The following DHRS11 variants were observed in gnomAD, a reference collection of about 807,000 sequenced individuals.
The protein encoded by DHRS11 is dehydrogenase/reductase SDR family member 11.
DHRS11 carries 18 observed loss-of-function variants against 30.7 expected under a neutral mutation model. The ratio of observed to expected loss-of-function variants is 0.59; its 90% CI spans 0.41 to 0.87. The LOEUF is 0.87. DHRS11 is among the 40% of genes least tolerant of loss of function. DHRS11 has a pLI of 0.00. For synonymous variants in DHRS11, 123 were observed against 139.6 expected (o/e 0.88, Z 0.84); for missense variants, 300 against 349.0 (o/e 0.86, Z 1.12).
At chr17:36,594,897 C>G in intron 1 of DHRS11, 74 bp from the exon 2 acceptor site, 1 of 1,513,184 alleles carries the variant, frequency 6.6e-7, no homozygotes. Flanking sequence ...TGACGGGGGT[C>G]GGGGTCTGAG....
intron 2 of DHRS11, among the ~76,000 whole-genome samples, chr17:36,596,072 T>G (rs998030822): frequency 1.3e-5 from 2 of 152,142 alleles, no homozygotes; most frequent in Non-Finnish European, 2.9e-5. Flanking sequence ...AGGAGGGGTC[T>G]GTGGTGTGTG....
chr17:36,593,341 A>G (rs904591888), intron 1 of DHRS11, among the ~76,000 whole-genome samples: 11 of 152,150 alleles, frequency 7.2e-5, no homozygotes, highest in African/African-American at 2.4e-4. Flanking sequence ...GTTGTAGATC[A>G]TTACTGAGGG....
chr17:36,595,904 A>T (rs1351504219), intron 2 of DHRS11, among the ~76,000 whole-genome samples: 1 of 152,174 alleles, frequency 6.6e-6, no homozygotes, highest in Non-Finnish European at 1.5e-5. Context: ...ACCTAGCCTC[A>T]CTAGTAACTA....
rs1284226856 is a variant in DHRS11 at position 36,595,038 on chromosome 17, CA to C, written c.218del (p.Asn73MetfsTer19). On this transcript the variant is annotated frameshift_variant, in exon 2 of 7. Coordinates refer to ENST00000618403, the MANE Select transcript of DHRS11 (RefSeq NM_024308.4). LOFTEE classifies it high-confidence loss of function. ...TTGATCCCCTACAGATGTGACCTAT[CA>C]AATGAAGAGGACATCCTCTCCATGT... is the stretch of plus-strand genomic sequence containing the variant. ...GTLIPYRCDL[S>X]NEEDILSMFS... 3.1e-6 allele frequency: 5 copies of C among 1,614,094 alleles called. No homozygotes were observed.
rs2074852212 is a variant in DHRS11, at chr17:36,600,568, G to A, written c.*365G>A. On this transcript the variant is annotated 3_prime_UTR_variant, in exon 7 of 7. Coordinates refer to ENST00000618403, the MANE Select transcript of DHRS11 (RefSeq NM_024308.4). Reference sequence around the variant, plus strand: ...TGTGGCTCAGGGCTGGGGTGGCAGAGGGAGGCCTTCACCTTATATCTGTGT... The same window carrying A: ...TGTGGCTCAGGGCTGGGGTGGCAGAAGGAGGCCTTCACCTTATATCTGTGT... 2.4e-6 allele frequency: 1 copy of A among 421,870 alleles called. No homozygotes were observed. Among genetic ancestry groups the A allele is most frequent in the Non-Finnish European group, 4.3e-6 (1 of 230,050 alleles). 26.1% of individuals were successfully genotyped at this position (421,870 alleles called of 1,614,324 possible).
intron 2 of DHRS11, 115 bp downstream of exon 2, chr17:36,595,295 G>A (rs1029773043): frequency 8.6e-6 from 10 of 1,160,722 alleles, no homozygotes; most frequent in African/African-American, 6.1e-5. Flanking sequence ...AGGGAGCTTC[G>A]GGTTCCCACC....
Position 36,591,881 on chromosome 17 carries a change from G to A in DHRS11, c.-129G>A, listed in dbSNP as rs559836655. ...GGAGTCCCGGCCGGAGGCAGGCCGG[G>A]ACTCTGGTGGGTCTAGGCGCGGATC... On this transcript the variant is annotated 5_prime_UTR_variant, in exon 1 of 7. Transcript: ENST00000618403. 2.0e-6 allele frequency: 2 copies of A among 1,003,470 alleles called. No individual in the cohort carries two copies. Among genetic ancestry groups the A allele is most frequent in the South Asian group, 1.0e-4 (2 of 19,742 alleles). 62.2% of individuals were successfully genotyped at this position (1,003,470 alleles called of 1,614,324 possible). A position where few individuals can be genotyped will look rare whatever the true frequency, so the allele number is the denominator to read the frequency against.
At chr17:36,597,795 G>T (rs1051048521) in intron 2 of DHRS11, 6 of 348,460 alleles carry the variant, frequency 1.7e-5, no homozygotes, top group South Asian at 8.5e-5. Flanking sequence ...TAGGGTATTT[G>T]GGGGAAGAAA....
chr17:36,600,708 T>C lies in DHRS11; in HGVS notation c.*505T>C. On this transcript the variant is annotated 3_prime_UTR_variant, in exon 7 of 7. Coordinates refer to ENST00000618403, the MANE Select transcript of DHRS11 (RefSeq NM_024308.4). ...CTTGGCTTCTTGTCCCCTCCTGGGG[T>C]CATCCCTCCACTCTGACTCTGACTA... 5.5e-6 allele frequency: 1 copy of C among 182,952 alleles called. No individual in the cohort carries two copies. Among genetic ancestry groups the C allele is most frequent in the South Asian group, 1.1e-4 (1 of 9,106 alleles). The allele number at this position is 182,952 out of a possible 1,614,324, so 11.3% of individuals were successfully genotyped here. A position where few individuals can be genotyped will look rare whatever the true frequency, so the allele number is the denominator to read the frequency against.
chr17:36,595,112 A>G lies in DHRS11; in HGVS notation c.289A>G (p.Asn97Asp). The G allele has an allele frequency of 6.2e-7, 1 of 1,614,078 alleles. No homozygotes were observed. Among genetic ancestry groups the G allele is most frequent in the Non-Finnish European group, 8.5e-7 (1 of 1,180,010 alleles). ...CAGCGGTGTAGACATCTGCATCAAC[A>G]ATGCTGGCTTGGCCCGGCCTGACAC... ...QHSGVDICIN[N>D]AGLARPDTLL... Residue 97 changes from asparagine to aspartate, a missense_variant, in exon 2 of 7, where the codon AAT (asparagine) becomes GAT (aspartate). Physicochemically the swap from Asn to Asp is conservative, Grantham distance 23. Coordinates refer to ENST00000618403, the MANE Select transcript of DHRS11 (RefSeq NM_024308.4).
chr17:36,591,882 A>C lies in DHRS11; in HGVS notation c.-128A>C. On this transcript the variant is annotated 5_prime_UTR_variant, in exon 1 of 7. Transcript: ENST00000618403. ...GAGTCCCGGCCGGAGGCAGGCCGGG[A>C]CTCTGGTGGGTCTAGGCGCGGATCG... The C allele has an allele frequency of 6.0e-6, 6 of 995,748 alleles. No homozygotes were observed. Among genetic ancestry groups the C allele is most frequent in the Non-Finnish European group, 1.3e-6 (1 of 781,770 alleles). The allele number at this position is 995,748 out of a possible 1,614,324, so 61.7% of individuals were successfully genotyped here.
chr17:36,592,292 C>T lies in DHRS11; in HGVS notation c.147+136C>T. 4 of 1,104,564 alleles carry T rather than the reference C, an allele frequency of 3.6e-6. No individual in the cohort carries two copies. The highest frequency in any genetic ancestry group is 4.6e-6 in the Non-Finnish European group (4 of 873,696). The allele number at this position is 1,104,564 out of a possible 1,614,324, so 68.4% of individuals were successfully genotyped here. On this transcript the variant is annotated intron_variant, in intron 1 of 6. Coordinates refer to ENST00000618403, the MANE Select transcript of DHRS11 (RefSeq NM_024308.4). The surrounding 1 kb of genome is among the most constrained non-coding windows in gnomAD (Gnocchi z 4.4). ...TCCCTTAAGGCAGGCTTCTCCCTTC[C>T]CCTTAAGTCTCATCTTTGAAGGAGC...
At chr17:36,596,801 C>T (rs1186109796) in intron 2 of DHRS11, 1 of 470,850 alleles carries the variant, frequency 2.1e-6, no homozygotes, top group East Asian at 7.0e-5. Flanking sequence ...TCTTTTCTCC[C>T]CACAATCCTT....
At chr17:36,599,137 A>G in intron 4 of DHRS11, 87 bp downstream of exon 4, 1 of 1,515,548 alleles carries the variant, frequency 6.6e-7, no homozygotes, top group Non-Finnish European at 8.8e-7. Flanking sequence ...CATGTTCAGA[A>G]TGTGCCGCTC....
intron 1 of DHRS11, among the ~76,000 whole-genome samples, chr17:36,593,809 C>T (rs12937411): frequency 0.31 from 47,029 of 152,138 alleles, 8,525 homozygotes; most frequent in Non-Finnish European, 0.41. Flanking sequence ...GGGCACCGCA[C>T]GCCCCTTCCC....
Position 36,600,605 on chromosome 17 carries a change from G to A in DHRS11, c.*402G>A. 1 of 287,130 alleles carries A rather than the reference G, an allele frequency of 3.5e-6. No individual in the cohort carries two copies. Among genetic ancestry groups the A allele is most frequent in the Admixed American group, 4.9e-5 (1 of 20,348 alleles). 17.8% of individuals were successfully genotyped at this position (287,130 alleles called of 1,614,324 possible). On this transcript the variant is annotated 3_prime_UTR_variant, in exon 7 of 7. Transcript: ENST00000618403. ...CCTTATATCTGTGTTGTTATCCAGGGCTCCAGACTTCCTCCTCTGCCTGCC... is the reference window on the plus strand; with the variant it reads ...CCTTATATCTGTGTTGTTATCCAGGACTCCAGACTTCCTCCTCTGCCTGCC...
intron 3 of DHRS11, 123 bp from the exon 4 acceptor site, chr17:36,598,798 G>A (rs2074831864): frequency 7.7e-7 from 1 of 1,301,314 alleles, no homozygotes; most frequent in African/African-American, 1.5e-5. Context: ...GGCCAGTAGA[G>A]GTCCCCTTTA....
In DHRS11 at chr17:36,600,232, C is replaced by T; in HGVS notation, c.*29C>T. 6.2e-7 allele frequency: 1 copy of T among 1,614,046 alleles called. No homozygotes were observed. The highest frequency in any genetic ancestry group is 2.2e-5 in the East Asian group (1 of 44,880). ...CTGTGGGAGCTCCTCCTTCCCTCCC[C>T]ACCCTTCATGGCTTGCCTCCTGCCT... On this transcript the variant is annotated 3_prime_UTR_variant, in exon 7 of 7. Coordinates refer to ENST00000618403, the MANE Select transcript of DHRS11 (RefSeq NM_024308.4).
At position 36,600,370 on chromosome 17, in the gene DHRS11, A is replaced by C; in HGVS notation, c.*167A>C. On this transcript the variant is annotated 3_prime_UTR_variant, in exon 7 of 7. Coordinates refer to ENST00000618403, the MANE Select transcript of DHRS11 (RefSeq NM_024308.4). ...TTATATCATCTTGTCAAATTGCTTC[A>C]GTTGTAAATGTGAAAAATGGGCTGG... 1.3e-6 allele frequency: 1 copy of C among 776,324 alleles called. No homozygotes were observed. The highest frequency in any genetic ancestry group is 2.7e-5 in the East Asian group (1 of 37,200). 48.1% of individuals were successfully genotyped at this position (776,324 alleles called of 1,614,324 possible).
Sources: allele counts gnomAD v4.1 joint callset (sites outside exome capture counted in the v4.1 genomes callset), GRCh38; gene constraint gnomAD v4.1.1; non-coding constraint Gnocchi (gnomAD v3.1); transcripts MANE v1.5; gene names NCBI Gene and HGNC (gene_info 2026-07-23, HGNC 2026-07-21).